Variants in LSAMP observed in about 807,000 individuals in gnomAD.
LSAMP encodes the protein limbic system associated membrane protein, also known as limbic system-associated membrane protein.
In LSAMP, 7 loss-of-function variants were observed where a neutral mutation model predicts 38.6. The ratio of observed to expected loss-of-function variants is 0.18; its 90% CI spans 0.10 to 0.34. The LOEUF is 0.34. Among genes scored for constraint, LSAMP ranks in the 10% least tolerant of loss-of-function variants. LSAMP has a pLI of 1.00. For synonymous variants in LSAMP, 154 were observed against 166.8 expected, an observed-to-expected ratio of 0.92 and a Z score of 0.59; for missense variants, 313 against 420.0, an observed-to-expected ratio of 0.75 and a Z score of 2.23.
chr3:116,164,021 A>ATGT (rs59210101), intron 1 of LSAMP, among the ~76,000 whole-genome samples: 125,724 of 151,852 alleles, frequency 0.83, 52,401 homozygotes, highest in South Asian at 0.91. Context: ...TGCTAGAAAA[A>ATGT]TGTATGTATT....
In LSAMP at chr3:115,867,968, A is replaced by G. The variant is rs571922204; in HGVS notation, c.515-15351T>C. On this transcript the variant is annotated intron_variant, in intron 3 of 6. Coordinates refer to ENST00000490035, the MANE Select transcript of LSAMP (RefSeq NM_002338.5). ...AGTTTTCATTCCTGACAATACAGTG[A>G]TAAGCTTTTGTCCTCTTTAAAGGAC... 3.9e-5 allele frequency among the ~76,000 whole-genome samples: 6 copies of G among 152,286 alleles called. No homozygotes were observed. In the South Asian group the frequency reaches 6.2e-4, roughly 16 times the overall value.
intron 1 of LSAMP, among the ~76,000 whole-genome samples, chr3:116,256,748 T>C (rs1324307575): frequency 1.3e-5 from 2 of 152,032 alleles, no homozygotes; most frequent in Non-Finnish European, 2.9e-5. Flanking sequence ...TTTCTATGAG[T>C]GGAATAATTC....
intron 1 of LSAMP, among the ~76,000 whole-genome samples, chr3:116,304,069 T>C (rs1347710179): frequency 1.3e-5 from 2 of 152,174 alleles, no homozygotes; most frequent in African/African-American, 2.4e-5. Flanking sequence ...TATTCTCTCA[T>C]GTGCTAACTC....
At chr3:115,950,009 C>A (rs1197160925) in intron 3 of LSAMP, among the ~76,000 whole-genome samples, 3 of 152,068 alleles carry the variant, frequency 2.0e-5, no homozygotes, top group Non-Finnish European at 4.4e-5. Flanking sequence ...TCAGTAGACA[C>A]AGAAAAAGCA....
chr3:116,418,206 A>T (rs2107850524), intron 1 of LSAMP, among the ~76,000 whole-genome samples: 1 of 152,260 alleles, frequency 6.6e-6, no homozygotes, highest in South Asian at 2.1e-4. Flanking sequence ...CTTCCACTAT[A>T]CCGCAAACCT....
chr3:116,315,696 T>A lies in LSAMP; in HGVS notation c.155+129181A>T, dbSNP rs373345057. Reference sequence around the variant, plus strand: ...GACTGTTCTAAGCGATAAAGTGATATCTTTATCTACCATCTAGCTATCTAC... The same window carrying A: ...GACTGTTCTAAGCGATAAAGTGATAACTTTATCTACCATCTAGCTATCTAC... On this transcript the variant is annotated intron_variant, in intron 1 of 6. Transcript: ENST00000490035. 1.2e-4 allele frequency among the ~76,000 whole-genome samples: 18 copies of A among 152,330 alleles called. 1 individual carries two copies. Among genetic ancestry groups the A allele is most frequent in the African/African-American group, 4.1e-4 (17 of 41,576 alleles).
intron 1 of LSAMP, among the ~76,000 whole-genome samples, chr3:116,139,916 T>C (rs528272384): frequency 2.0e-4 from 30 of 152,154 alleles, no homozygotes; most frequent in Non-Finnish European, 2.9e-4. Context: ...GTAGAATTTA[T>C]GGCCTACTTT....
At chr3:115,940,335 C>CAGAGCACTGATTGGTCCATTTTAT in intron 3 of LSAMP, among the ~76,000 whole-genome samples, 1 of 152,172 alleles carries the variant, frequency 6.6e-6, no homozygotes, top group Non-Finnish European at 1.5e-5. Flanking sequence ...GTCCATTTTA[C>CAGAGCACTGATTGGTCCATTTTAT]AGAGTGCTGA....
rs757612681 is a variant in LSAMP at position 116,444,885 on chromosome 3, G to A, written c.147C>T (p.Ala49=). Residue 49 remains alanine, a synonymous_variant, in exon 1 of 7, where the codon GCC becomes GCT. Coordinates refer to ENST00000490035, the MANE Select transcript of LSAMP (RefSeq NM_002338.5). ...TTGCCCGAAAGCCCTACCTGAGGAT[G>A]GCTGTGTCCCCCTGCCTCACGGTGA... is the stretch of plus-strand genomic sequence containing the variant. The part of the protein sequence containing the change: ...DNITVRQGDT[A]ILRCVVEDKN... The A allele has an allele frequency of 7.4e-5, 119 of 1,614,038 alleles. No homozygotes were observed. In the Middle Eastern group the frequency reaches 9.9e-4, roughly 13 times the overall value.
intron 1 of LSAMP, among the ~76,000 whole-genome samples, chr3:116,429,241 T>G (rs1270234721): frequency 6.6e-6 from 1 of 152,210 alleles, no homozygotes; most frequent in African/African-American, 2.4e-5. Flanking sequence ...TTTTAACAGT[T>G]GCACTTTTAG....
intron 1 of LSAMP, among the ~76,000 whole-genome samples, chr3:116,356,967 G>A (rs1252780624): frequency 6.6e-6 from 1 of 152,032 alleles, no homozygotes; most frequent in Non-Finnish European, 1.5e-5. Context: ...CTAATTTTTT[G>A]TATTTTTAGT....
chr3:115,968,926 C>T (rs527567456), intron 3 of LSAMP, among the ~76,000 whole-genome samples: 13 of 152,358 alleles, frequency 8.5e-5, no homozygotes, highest in East Asian at 3.9e-4. Context: ...ATGCTCCCTC[C>T]AGCAGCACTG....
In LSAMP at chr3:115,932,020, T is replaced by C. The variant is rs372170905; in HGVS notation, c.515-79403A>G. 5.5e-4 allele frequency among the ~76,000 whole-genome samples: 83 copies of C among 152,276 alleles called. 1 individual carries two copies. In the South Asian group the frequency reaches 0.017, roughly 30 times the overall value. On this transcript the variant is annotated intron_variant, in intron 3 of 6. Transcript: ENST00000490035. ...TGTTATGGACTCAAGCAGTTTACAG[T>C]GTAATTGTTGAGACAGACATTAATG...
intron 6 of LSAMP, among the ~76,000 whole-genome samples, chr3:115,834,108 T>C (rs188983263): frequency 1.3e-5 from 2 of 152,042 alleles, no homozygotes; most frequent in Non-Finnish European, 2.9e-5. Flanking sequence ...TCCGGTTGAG[T>C]TGATTAACCT....
intron 2 of LSAMP, among the ~76,000 whole-genome samples, chr3:116,071,540 T>C (rs529078906): frequency 1.1e-4 from 16 of 152,224 alleles, no homozygotes; most frequent in African/African-American, 3.9e-4. Flanking sequence ...CCATTGTTGA[T>C]AAAATTGAGG....
chr3:115,931,601 T>C (rs4378954), intron 3 of LSAMP, among the ~76,000 whole-genome samples: 126,983 of 152,126 alleles, frequency 0.83, 54,087 homozygotes, highest in East Asian at 0.98. Context: ...TGTCATGACC[T>C]ATCTTTAAAA....
intron 1 of LSAMP, among the ~76,000 whole-genome samples, chr3:116,165,825 A>G (rs1228208874): frequency 6.6e-6 from 1 of 152,144 alleles, no homozygotes; most frequent in African/African-American, 2.4e-5. Context: ...GAGCCCTGGA[A>G]TATCTCTCCC....
chr3:116,057,580 A>T (rs1348194898), intron 2 of LSAMP, among the ~76,000 whole-genome samples: 1 of 152,108 alleles, frequency 6.6e-6, no homozygotes, highest in Non-Finnish European at 1.5e-5. Flanking sequence ...AAAAAAGAGG[A>T]AGAGAGAAGG....
intron 1 of LSAMP, among the ~76,000 whole-genome samples, chr3:116,315,573 G>A (rs189130578): frequency 8.5e-5 from 13 of 152,134 alleles, no homozygotes; most frequent in Admixed American, 2.6e-4. Context: ...AATAATTTAC[G>A]CTTTAAGAAA....
Sources: gnomAD v4.1 joint callset for allele counts (sites outside exome capture counted in the v4.1 genomes callset) on GRCh38, gnomAD v4.1.1 for gene constraint, MANE v1.5 for transcripts, NCBI Gene and HGNC (gene_info 2026-07-23, HGNC 2026-07-21) for gene names.